Variants in ANKS1B observed in about 807,000 individuals in gnomAD.
ANKS1B encodes the protein ankyrin repeat and sterile alpha motif domain containing 1B, also known as ankyrin repeat and sterile alpha motif domain-containing protein 1B.
ANKS1B carries 36 observed loss-of-function variants against 148.3 expected under a neutral mutation model. The ratio of observed to expected loss-of-function variants is 0.24; its 90% CI spans 0.19 to 0.32. ANKS1B has a LOEUF of 0.32. Ranked by LOEUF, ANKS1B falls within the 10% of genes least tolerant of loss-of-function variation. ANKS1B has a pLI of 1.00. For missense variants in ANKS1B, 1,157 were observed against 1,542.6 expected (o/e 0.75, Z 4.19); for synonymous variants, 542 against 560.8 (o/e 0.97, Z 0.47).
chr12:98,997,791 C>T (rs1226867073), intron 17 of ANKS1B, among the ~76,000 whole-genome samples: 1 of 152,178 alleles, frequency 6.6e-6, no homozygotes, highest in African/African-American at 2.4e-5. Context: ...CAGAGAGCTA[C>T]ATTTGTGTTC....
intron 2 of ANKS1B, among the ~76,000 whole-genome samples, chr12:99,821,651 A>G (rs1269506150): frequency 6.6e-6 from 1 of 152,042 alleles, no homozygotes; most frequent in Non-Finnish European, 1.5e-5. Context: ...ACCAATGCCA[A>G]TCTGAGAAAG....
At chr12:99,280,765 G>C (rs1471558248) in intron 12 of ANKS1B, among the ~76,000 whole-genome samples, 3 of 151,742 alleles carry the variant, frequency 2.0e-5, no homozygotes, top group Non-Finnish European at 4.4e-5. Context: ...AGCTCTCCTG[G>C]GTCTCCAGCT....
At chr12:99,067,737 C>T (rs1350576209) in intron 16 of ANKS1B, among the ~76,000 whole-genome samples, 1 of 152,018 alleles carries the variant, frequency 6.6e-6, no homozygotes, top group African/African-American at 2.4e-5. Context: ...CCTGAAAACC[C>T]CTTTTATATT....
At chr12:99,895,664 A>C (rs1369338727) in intron 1 of ANKS1B, among the ~76,000 whole-genome samples, 3 of 142,044 alleles carry the variant, frequency 2.1e-5, no homozygotes, top group African/African-American at 7.3e-5. Context: ...ACAGAGTACC[A>C]ACCACAAAAA....
At chr12:98,872,317 T>C (rs10860376) in intron 17 of ANKS1B, among the ~76,000 whole-genome samples, 16,158 of 152,156 alleles carry the variant, frequency 0.11, 907 homozygotes, top group Middle Eastern at 0.14. Flanking sequence ...GGAGGGCAGA[T>C]TGCTTGAGGT....
At chr12:98,882,860 C>T (rs149848) in intron 17 of ANKS1B, among the ~76,000 whole-genome samples, 22,022 of 151,936 alleles carry the variant, frequency 0.14, 2,000 homozygotes, top group Non-Finnish European at 0.21. Flanking sequence ...CAACAGCTAA[C>T]GATTTTAGAT....
rs537396299 is a variant in ANKS1B, at chr12:98,913,958, A to G, written c.2779-81822T>C. ...TTTTCTTTATGTCAGTTAGGGGTAT[A>G]TCCGGGCCACCAGTTGCTCAGGCCA... On this transcript the variant is annotated intron_variant, in intron 17 of 26. Coordinates refer to ENST00000683438, the MANE Select transcript of ANKS1B (RefSeq NM_001352186.2). 1.2e-4 allele frequency among the ~76,000 whole-genome samples: 18 copies of G among 152,260 alleles called. No individual in the cohort carries two copies. In the South Asian group the frequency reaches 3.3e-3, roughly 28 times the overall value.
intron 9 of ANKS1B, among the ~76,000 whole-genome samples, chr12:99,529,070 C>A (rs942608155): frequency 1.3e-5 from 2 of 151,788 alleles, no homozygotes; most frequent in African/African-American, 4.8e-5. Context: ...ATTTGCATAC[C>A]CCAGGTGAAA....
chr12:99,366,311 C>A (rs757081696), intron 12 of ANKS1B, among the ~76,000 whole-genome samples: 4 of 152,164 alleles, frequency 2.6e-5, no homozygotes, highest in Non-Finnish European at 4.4e-5. Flanking sequence ...GCTCTGATAA[C>A]CACCATTTCC....
chr12:99,678,892 T>C (rs948887049), intron 8 of ANKS1B, among the ~76,000 whole-genome samples: 1 of 151,506 alleles, frequency 6.6e-6, no homozygotes, highest in East Asian at 1.9e-4. Context: ...TCAACAAGAG[T>C]AGTAGAGGTA....
chr12:98,860,056 A>T (rs986687207), intron 17 of ANKS1B, among the ~76,000 whole-genome samples: 2 of 152,266 alleles, frequency 1.3e-5, no homozygotes, highest in Non-Finnish European at 2.9e-5. Context: ...TATGTTTCAC[A>T]TAGGCTACTC....
chr12:99,927,638 C>T (rs1396802439), intron 1 of ANKS1B, among the ~76,000 whole-genome samples: 1 of 151,878 alleles, frequency 6.6e-6, no homozygotes, highest in African/African-American at 2.4e-5. Flanking sequence ...TTATATAAAC[C>T]AGGAGCAGCG....
chr12:99,792,975 A>C (rs1602261275), intron 4 of ANKS1B, among the ~76,000 whole-genome samples: 2 of 152,152 alleles, frequency 1.3e-5, no homozygotes, highest in East Asian at 3.9e-4. Flanking sequence ...AACTATTAGA[A>C]CTGATAAACA....
chr12:99,321,152 A>C (rs1033688815), intron 12 of ANKS1B, among the ~76,000 whole-genome samples: 1 of 152,224 alleles, frequency 6.6e-6, no homozygotes, highest in African/African-American at 2.4e-5. Flanking sequence ...CTCAGGGGTC[A>C]GGGACCCACT....
intron 12 of ANKS1B, among the ~76,000 whole-genome samples, chr12:99,364,009 A>AAGCC (rs1476333331): frequency 6.6e-6 from 1 of 152,124 alleles, no homozygotes; most frequent in Non-Finnish European, 1.5e-5. Flanking sequence ...GAGGGCTCTG[A>AAGCC]AGCCAGCTTT....
chr12:98,821,593 T>C (rs1201153888), intron 19 of ANKS1B, among the ~76,000 whole-genome samples: 2 of 152,182 alleles, frequency 1.3e-5, no homozygotes, highest in Non-Finnish European at 2.9e-5. Context: ...TCACTGGAAC[T>C]GATGGAACGT....
chr12:99,359,743 T>C (rs756742955), intron 12 of ANKS1B, among the ~76,000 whole-genome samples: 22 of 152,184 alleles, frequency 1.4e-4, no homozygotes, highest in Non-Finnish European at 3.2e-4. Context: ...GCTTCAAGTA[T>C]CGATCAACAT....
chr12:98,826,887 A>G (rs1444492911), intron 19 of ANKS1B, among the ~76,000 whole-genome samples: 2 of 152,186 alleles, frequency 1.3e-5, no homozygotes, highest in Non-Finnish European at 2.9e-5. Context: ...ACTTCAGGGG[A>G]AAAAGTATGG....
intron 4 of ANKS1B, among the ~76,000 whole-genome samples, chr12:99,789,682 G>C (rs957151857): frequency 2.6e-5 from 4 of 152,118 alleles, no homozygotes; most frequent in African/African-American, 9.7e-5. Flanking sequence ...GAATGCATTA[G>C]AGTCTCTTAA....
Sources: allele counts gnomAD v4.1 joint callset (sites outside exome capture counted in the v4.1 genomes callset), GRCh38; gene constraint gnomAD v4.1.1; transcripts MANE v1.5; gene names NCBI Gene and HGNC (gene_info 2026-07-23, HGNC 2026-07-21).